The following NMNAT1 variants were observed in gnomAD, a reference collection of about 807,000 sequenced individuals.
NMNAT1 encodes nicotinamide nucleotide adenylyltransferase 1.
In NMNAT1, 11 loss-of-function variants were observed where a neutral mutation model predicts 16.7. The ratio of observed to expected loss-of-function variants is 0.66; its 90% CI spans 0.41 to 1.09. The LOEUF is 1.09. Ranked by LOEUF, NMNAT1 falls within the 50% of genes least tolerant of loss-of-function variation. NMNAT1 has a pLI of 0.00. For missense variants in NMNAT1, 280 were observed against 332.3 expected (o/e 0.84, Z 1.22); for synonymous variants, 110 against 119.8 (o/e 0.92, Z 0.53).
chr1:9,968,728 G>A (rs1641619432), intron 1 of NMNAT1, among the ~76,000 whole-genome samples: 1 of 142,924 alleles, frequency 7.0e-6, no homozygotes, highest in African/African-American at 2.6e-5. Context: ...TCGAGATCAT[G>A]CCACTGCACT....
Position 9,984,379 on chromosome 1 carries a change from A to C in NMNAT1, c.*1678A>C, listed in dbSNP as rs1391982513. On this transcript the variant is annotated 3_prime_UTR_variant, in exon 5 of 5. Transcript: ENST00000377205. ...ATTGTTGCACTATTTATGGAGCAACAACTTTGTACAAAGAACAAGCTTTGT... is the reference window on the plus strand; with the variant it reads ...ATTGTTGCACTATTTATGGAGCAACCACTTTGTACAAAGAACAAGCTTTGT... The C allele has an allele frequency of 6.6e-6, 1 of 152,136 alleles. No individual in the cohort carries two copies. Among genetic ancestry groups the C allele is most frequent in the Non-Finnish European group, 1.5e-5 (1 of 68,030 alleles). 9.4% of individuals were successfully genotyped at this position (152,136 alleles called of 1,614,324 possible). A position where few individuals can be genotyped will look rare whatever the true frequency, so the allele number is the denominator to read the frequency against.
At chr1:9,988,090 C>T (rs1235522233), downstream of NMNAT1, among the ~76,000 whole-genome samples, 1 of 152,022 alleles carries the variant, frequency 6.6e-6, no homozygotes, top group Non-Finnish European at 1.5e-5. Flanking sequence ...CTCCACCTCT[C>T]AGGTTCAAGA....
At chr1:9,988,669 A>C (rs1041331899), downstream of NMNAT1, among the ~76,000 whole-genome samples, 2 of 128,476 alleles carry the variant, frequency 1.6e-5, no homozygotes, top group African/African-American at 6.0e-5. Context: ...GCGCCACTGC[A>C]CTCCAGCCTG....
chr1:9,996,825 T>C, the NMNAT1 span, among the ~76,000 whole-genome samples: 5 of 152,122 alleles, frequency 3.3e-5, no homozygotes, highest in African/African-American at 1.2e-4. Context: ...GTGCGAATCA[T>C]CACCAGCAAT....
rs755593250 is a variant in NMNAT1 at position 9,975,729 on chromosome 1, T to G, written c.253T>G (p.Trp85Gly). The G allele has an allele frequency of 6.2e-7, 1 of 1,614,072 alleles. No individual in the cohort carries two copies. Among genetic ancestry groups the G allele is most frequent in the Non-Finnish European group, 8.5e-7 (1 of 1,179,998 alleles). Residue 85 changes from tryptophan to glycine, a missense_variant, in exon 3 of 5, where the codon TGG becomes GGG. Coordinates refer to ENST00000377205, the MANE Select transcript of NMNAT1 (RefSeq NM_022787.4). The stretch of plus-strand genomic sequence containing the variant: ...TTCTAAATGGGTGGAAGTTGATACA[T>G]GGGAAAGTCTTCAGAAGGAGTGGAA... Reference protein sequence around the residue: ...KNSKWVEVDTWESLQKEWKET... With the variant: ...KNSKWVEVDTGESLQKEWKET...
intron 1 of NMNAT1, among the ~76,000 whole-genome samples, chr1:9,966,976 C>T (rs922415815): frequency 1.1e-4 from 16 of 152,112 alleles, no homozygotes; most frequent in Admixed American, 5.9e-4. Context: ...GTAATCCCAA[C>T]ACTTTAAAAG....
intron 1 of NMNAT1, among the ~76,000 whole-genome samples, chr1:9,944,310 C>A (rs1640911803): frequency 6.6e-6 from 1 of 151,970 alleles, no homozygotes; most frequent in African/African-American, 2.4e-5. Context: ...ACCTGTAAAC[C>A]CAGCACTTTG....
intron 1 of NMNAT1, among the ~76,000 whole-genome samples, chr1:9,951,477 G>GTTGT (rs4011517): frequency 0.77 from 116,127 of 151,176 alleles, 47,444 homozygotes; most frequent in Non-Finnish European, 0.92. Flanking sequence ...TGTTGTTGTT[G>GTTGT]TTGTTTGTTT....
At chr1:9,956,804 T>C (rs1411541451) in intron 1 of NMNAT1, among the ~76,000 whole-genome samples, 5 of 149,854 alleles carry the variant, frequency 3.3e-5, no homozygotes, top group Non-Finnish European at 7.4e-5. Context: ...TGATCTTGGC[T>C]CACTGCAACC....
intron 1 of NMNAT1, among the ~76,000 whole-genome samples, chr1:9,961,977 A>G (rs942292808): frequency 6.6e-6 from 1 of 151,776 alleles, no homozygotes; most frequent in Admixed American, 6.6e-5. Context: ...CATGTTGGTC[A>G]GGCTAGTCTC....
At chr1:9,949,441 A>C (rs1570673440) in intron 1 of NMNAT1, among the ~76,000 whole-genome samples, 2 of 95,390 alleles carry the variant, frequency 2.1e-5, no homozygotes, top group Non-Finnish European at 2.1e-5. Context: ...ATGGAGTTTC[A>C]CTCTGTCACC....
chr1:9,973,707 CAAAAAAAAAA>C (rs1053350657), intron 2 of NMNAT1, among the ~76,000 whole-genome samples: 2 of 21,608 alleles, frequency 9.3e-5, no homozygotes, highest in African/African-American at 1.6e-4. Flanking sequence ...GACTCCATCT[CAAAAAAAAAA>C]AAAAAAAAAA....
intron 1 of NMNAT1, among the ~76,000 whole-genome samples, chr1:9,957,344 T>G (rs1180729235): frequency 1.3e-5 from 2 of 151,782 alleles, no homozygotes; most frequent in Non-Finnish European, 2.9e-5. Context: ...TACCATTTTT[T>G]TTTTGAGACG....
chr1:9,978,616 A>C (rs1002907564), intron 3 of NMNAT1, among the ~76,000 whole-genome samples: 7 of 151,958 alleles, frequency 4.6e-5, no homozygotes, highest in African/African-American at 1.7e-4. Context: ...GATGGCAAAA[A>C]ATTCTCCCAT....
At chr1:9,958,284 G>A (rs1641316307) in intron 1 of NMNAT1, among the ~76,000 whole-genome samples, 1 of 152,024 alleles carries the variant, frequency 6.6e-6, no homozygotes, top group African/African-American at 2.4e-5. Context: ...GATATTTTGT[G>A]TTTTTAGTAG....
At chr1:9,996,779 C>A in the NMNAT1 span, among the ~76,000 whole-genome samples, 1 of 152,082 alleles carries the variant, frequency 6.6e-6, no homozygotes, top group African/African-American at 2.4e-5. Flanking sequence ...GACGAAGCTG[C>A]GGCGTTACCG....
At chr1:9,990,995 A>C in the NMNAT1 span, among the ~76,000 whole-genome samples, 3 of 152,154 alleles carry the variant, frequency 2.0e-5, no homozygotes, top group Non-Finnish European at 2.9e-5. Context: ...CTTCAGCTGA[A>C]ATTAAATCCT....
intron 3 of NMNAT1, among the ~76,000 whole-genome samples, chr1:9,978,364 A>G (rs956525533): frequency 9.2e-5 from 14 of 152,206 alleles, no homozygotes; most frequent in Non-Finnish European, 2.9e-5. Flanking sequence ...TCAAAAAAAA[A>G]GATTACTTGT....
chr1:9,971,021 T>C (rs1286555645), intron 1 of NMNAT1, among the ~76,000 whole-genome samples: 1 of 152,142 alleles, frequency 6.6e-6, no homozygotes, highest in East Asian at 1.9e-4. Flanking sequence ...CAGGTTTGGT[T>C]GATCTCACTT....
Sources: allele counts gnomAD v4.1 joint callset (sites outside exome capture counted in the v4.1 genomes callset), GRCh38; gene constraint gnomAD v4.1.1; transcripts MANE v1.5; gene names NCBI Gene and HGNC (gene_info 2026-07-23, HGNC 2026-07-21).